Variants in ZNF283 observed in about 807,000 individuals in gnomAD.
ZNF283 encodes the protein zinc finger protein 41.
A neutral mutation model predicts 9.2 loss-of-function variants in ZNF283; 10 were observed. The ratio of observed to expected loss-of-function variants is 1.09; its 90% CI spans 0.67 to 1.85. The LOEUF is 1.85. ZNF283 is among the 40% of genes most tolerant of loss of function. ZNF283 has a pLI of 0.00. For missense variants in ZNF283, 631 were observed against 760.1 expected (o/e 0.83, Z 2.00); for synonymous variants, 234 against 244.1 (o/e 0.96, Z 0.38).
intron 4 of ZNF283, 71 bp from the exon 5 acceptor site, chr19:43,835,434 C>G: frequency 3.1e-6 from 3 of 978,580 alleles, no homozygotes; most frequent in Non-Finnish European, 4.8e-6. Flanking sequence ...AAGATAAGAT[C>G]TTCTATTAGT....
chr19:43,847,683 AGCTT>A lies in ZNF283; in HGVS notation c.1083_1086del (p.Thr363SerfsTer223). ...GGGAAGGCCTTCAGTCGTGGCTATC[AGCTT>A]ACTCAGCATCAGAAAATCCATACTG... is the stretch of plus-strand genomic sequence containing the variant. On this transcript the variant is annotated frameshift_variant, in exon 7 of 7. Transcript: ENST00000618787. LOFTEE classifies it low-confidence loss of function (END_TRUNC). 3 of 1,613,512 alleles carry A rather than the reference AGCTT, an allele frequency of 1.9e-6. No individual in the cohort carries two copies. The highest frequency in any genetic ancestry group is 2.5e-6 in the Non-Finnish European group (3 of 1,179,598).
At chr19:43,843,037 C>T (rs1971273279) in intron 6 of ZNF283, among the ~76,000 whole-genome samples, 1 of 152,088 alleles carries the variant, frequency 6.6e-6, no homozygotes, top group Non-Finnish European at 1.5e-5. Flanking sequence ...ACCACTTGTA[C>T]AGTTGTTTAA....
At chr19:43,835,737 C>T (rs1720929058) in intron 5 of ZNF283, 145 bp downstream of exon 5, 3 of 622,306 alleles carry the variant, frequency 4.8e-6, no homozygotes, top group South Asian at 4.0e-5. Context: ...TTGGTCTCAA[C>T]CTCAGTTTAT....
At chr19:43,839,164 CTGG>C (rs1971098564) in intron 6 of ZNF283, among the ~76,000 whole-genome samples, 1 of 151,776 alleles carries the variant, frequency 6.6e-6, no homozygotes, top group Non-Finnish European at 1.5e-5. Flanking sequence ...TTTGTTTTTT[CTGG>C]AAATGCCTTA....
At chr19:43,838,708 T>C (rs915494419) in intron 6 of ZNF283, among the ~76,000 whole-genome samples, 1 of 152,238 alleles carries the variant, frequency 6.6e-6, no homozygotes, top group African/African-American at 2.4e-5. Flanking sequence ...GGCTATATTC[T>C]GTTTTTTTTC....
At position 43,847,849 on chromosome 19, in the gene ZNF283, A is replaced by C. The variant is rs754791101; in HGVS notation, c.1248A>C (p.Ser416=). Residue 416 remains serine, a synonymous_variant, in exon 7 of 7, where the codon TCA becomes TCC. Transcript: ENST00000618787. Reference sequence around the variant, plus strand: ...GTGGGAAGGCTTTTAATTGCGGATCAAGTCTTATTCAACATGAAAGAATTC... The same window carrying C: ...GTGGGAAGGCTTTTAATTGCGGATCCAGTCTTATTCAACATGAAAGAATTC... ...KECGKAFNCG[S]SLIQHERIHT... 1.9e-6 allele frequency: 3 copies of C among 1,613,416 alleles called. No homozygotes were observed. The highest frequency in any genetic ancestry group is 4.5e-5 in the East Asian group (2 of 44,772).
chr19:43,835,360 GT>G (rs747908949), intron 4 of ZNF283, 144 bp from the exon 5 acceptor site: 4 of 601,352 alleles, frequency 6.7e-6, no homozygotes, highest in Non-Finnish European at 1.2e-5. Context: ...GACCTTTGGG[GT>G]TTAGGTGAAA....
intron 3 of ZNF283, among the ~76,000 whole-genome samples, chr19:43,832,708 A>G (rs542071369): frequency 6.6e-6 from 1 of 152,234 alleles, no homozygotes; most frequent in South Asian, 2.1e-4. Flanking sequence ...AACATTCTTC[A>G]TTTTCAATAA....
rs779648677 is a variant in ZNF283, at chr19:43,847,582, C to CT, written c.988dup (p.Trp330LeufsTer7). On this transcript the variant is annotated frameshift_variant, in exon 7 of 7. Transcript: ENST00000618787. LOFTEE classifies it low-confidence loss of function (END_TRUNC). Reference sequence around the variant, plus strand: ...ATAAATGTAAGGAATGTGGGAAGGCCTTTTTTTGGGGCTCAAGCCTTGCTA... The same window carrying CT: ...ATAAATGTAAGGAATGTGGGAAGGCCTTTTTTTTGGGGCTCAAGCCTTGCTA... 5 of 1,608,738 alleles carry CT rather than the reference C, an allele frequency of 3.1e-6. No homozygotes were observed. The highest frequency in any genetic ancestry group is 2.2e-5 in the South Asian group (2 of 90,804).
Position 43,847,748 on chromosome 19 carries a change from G to T in ZNF283, c.1147G>T (p.Ala383Ser), listed in dbSNP as rs1330714608. The T allele has an allele frequency of 3.7e-6, 6 of 1,612,796 alleles. No individual in the cohort carries two copies. The highest frequency in any genetic ancestry group is 4.2e-6 in the Non-Finnish European group (5 of 1,179,678). ...KPYECKICGK[A>S]FCWGYQLTRH... is the part of the protein sequence containing the mutation. ...TTATGAATGTAAAATATGTGGAAAG[G>T]CTTTTTGTTGGGGCTATCAACTTAC... Residue 383 changes from alanine (A) to serine (S), a missense_variant, in exon 7 of 7, where the codon GCT becomes TCT. Physicochemically the swap from Ala to Ser is moderately conservative, Grantham distance 99 (BLOSUM62 1). Transcript: ENST00000618787.
rs1971599235 is a variant in ZNF283 at position 43,851,226 on chromosome 19, A to G, written c.*2585A>G. The G allele has an allele frequency of 6.6e-6, 1 of 152,214 alleles. No individual in the cohort carries two copies. The highest frequency in any genetic ancestry group is 2.1e-4 in the South Asian group (1 of 4,836). 9.4% of individuals were successfully genotyped at this position (152,214 alleles called of 1,614,324 possible). On this transcript the variant is annotated 3_prime_UTR_variant, in exon 7 of 7. Coordinates refer to ENST00000618787, the MANE Select transcript of ZNF283 (RefSeq NM_181845.2). ...GGGTGCCACATTTGCCTGTTAACCA[A>G]GAAATGTAGACATGGTGCCTTATCC...
At chr19:43,846,876 A>AGT in intron 6 of ZNF283, 63 bp from the exon 7 acceptor site, 1 of 1,004,108 alleles carries the variant, frequency 1.0e-6, no homozygotes, top group Non-Finnish European at 1.3e-6. Context: ...TTTCTACTGT[A>AGT]GTTTTTTTTT....
At chr19:43,843,466 C>A (rs898234213) in intron 6 of ZNF283, among the ~76,000 whole-genome samples, 1 of 152,258 alleles carries the variant, frequency 6.6e-6, no homozygotes, top group African/African-American at 2.4e-5. Flanking sequence ...TGCAAGTGAG[C>A]CTGTCACTTC....
At position 43,851,004 on chromosome 19, in the gene ZNF283, A is replaced by G. The variant is rs1380421164; in HGVS notation, c.*2363A>G. The G allele has an allele frequency of 1.3e-5, 2 of 152,202 alleles. No homozygotes were observed. Among genetic ancestry groups the G allele is most frequent in the Admixed American group, 6.5e-5 (1 of 15,270 alleles). The allele number at this position is 152,202 out of a possible 1,614,324, so 9.4% of individuals were successfully genotyped here. A position where few individuals can be genotyped will look rare whatever the true frequency, so the allele number is the denominator to read the frequency against. On this transcript the variant is annotated 3_prime_UTR_variant, in exon 7 of 7. Transcript: ENST00000618787. Reference sequence around the variant, plus strand: ...TACACCTGACCTCTCTATTTTGTGCACATAGGGGATTCGTAATATCACTGT... The same window carrying G: ...TACACCTGACCTCTCTATTTTGTGCGCATAGGGGATTCGTAATATCACTGT...
At chr19:43,832,945 T>C (rs1970779319) in intron 3 of ZNF283, among the ~76,000 whole-genome samples, 1 of 151,016 alleles carries the variant, frequency 6.6e-6, no homozygotes, top group Admixed American at 6.6e-5. Context: ...GGAGGATCAC[T>C]TGAGCCCAGG....
chr19:43,830,893 A>C (rs1029448001), intron 2 of ZNF283, among the ~76,000 whole-genome samples: 1 of 126,816 alleles, frequency 7.9e-6, no homozygotes, highest in Non-Finnish European at 1.6e-5. Context: ...ACAGAGCAAG[A>C]CTCCATCTAA....
rs1226820906 is a variant in ZNF283 at position 43,848,383 on chromosome 19, T to G, written c.1782T>G (p.Thr594=). The change falls in exon 7 of 7, where the codon ACT becomes ACG. Residue 594 remains threonine, a synonymous_variant. Coordinates refer to ENST00000618787, the MANE Select transcript of ZNF283 (RefSeq NM_181845.2). The part of the protein sequence containing the change: ...SSLVKHERVH[T]NEKSYECKDC... ...TAGTTAAGCATGAGAGAGTCCATACTAATGAGAAGTCTTATGAATGTAAAG... is the reference window on the plus strand; with the variant it reads ...TAGTTAAGCATGAGAGAGTCCATACGAATGAGAAGTCTTATGAATGTAAAG... 6.2e-7 allele frequency: 1 copy of G among 1,613,764 alleles called. No homozygotes were observed. The highest frequency in any genetic ancestry group is 1.7e-5 in the Admixed American group (1 of 59,988).
chr19:43,833,029 GAAA>G (rs368640688), intron 3 of ZNF283, among the ~76,000 whole-genome samples: 12 of 76,486 alleles, frequency 1.6e-4, no homozygotes, highest in African/African-American at 5.5e-4. Context: ...CCCTGTCTCT[GAAA>G]AAAAAAAAAA....
intron 5 of ZNF283, 140 bp from the exon 6 acceptor site, chr19:43,836,913 C>G: frequency 1.1e-6 from 1 of 886,394 alleles, no homozygotes; most frequent in Non-Finnish European, 1.7e-6. Flanking sequence ...CTTGCTTTTT[C>G]CTACCTATAT....
Sources: allele counts gnomAD v4.1 joint callset (sites outside exome capture counted in the v4.1 genomes callset), GRCh38; gene constraint gnomAD v4.1.1; transcripts MANE v1.5; gene names NCBI Gene and HGNC (gene_info 2026-07-23, HGNC 2026-07-21).